The following WIPF1 variants were observed in gnomAD, a reference collection of about 807,000 sequenced individuals.
WIPF1 encodes the protein WAS/WASL-interacting protein family member 1.
A neutral mutation model predicts 35.4 loss-of-function variants in WIPF1; 13 were observed. The observed-to-expected ratio is 0.37, with a 90% CI of 0.24 to 0.58. The LOEUF (loss-of-function observed/expected upper bound fraction) is 0.58. WIPF1 is among the 20% of genes least tolerant of loss of function. The pLI is 0.74. For missense variants in WIPF1, 591 were observed against 667.0 expected (o/e 0.89, Z 1.25); for synonymous variants, 267 against 266.3 (o/e 1.00, Z -0.02).
At chr2:174,617,688 G>A (rs1029818983) in intron 1 of WIPF1, among the ~76,000 whole-genome samples, 7 of 152,202 alleles carry the variant, frequency 4.6e-5, no homozygotes, top group East Asian at 1.9e-4. Flanking sequence ...TGGTTGGAAC[G>A]CGCACCCTGT....
At chr2:174,648,905 A>C (rs921451295) in intron 1 of WIPF1, among the ~76,000 whole-genome samples, 1 of 152,254 alleles carries the variant, frequency 6.6e-6, no homozygotes, top group Non-Finnish European at 1.5e-5. Context: ...AAATTATTAA[A>C]AAAGAATTCG....
At chr2:174,673,315 G>C (rs1688059881) in intron 1 of WIPF1, 1 of 152,198 alleles carries the variant, frequency 6.6e-6, no homozygotes, top group African/African-American at 2.4e-5. Context: ...GGTCCCTTAG[G>C]ATTGGGTCCC....
chr2:174,608,109 G>A (rs989198438), intron 1 of WIPF1, among the ~76,000 whole-genome samples: 2 of 152,148 alleles, frequency 1.3e-5, no homozygotes, highest in African/African-American at 2.4e-5. Context: ...CAGATTTAAC[G>A]ACTCTTTCTC....
At chr2:174,591,748 T>C (rs1327143983) in intron 1 of WIPF1, among the ~76,000 whole-genome samples, 1 of 151,990 alleles carries the variant, frequency 6.6e-6, no homozygotes, top group Non-Finnish European at 1.5e-5. Flanking sequence ...GTTCATTCTG[T>C]GAATGAAATG....
At chr2:174,569,504 G>A (rs759454214) in intron 5 of WIPF1, among the ~76,000 whole-genome samples, 3 of 152,092 alleles carry the variant, frequency 2.0e-5, no homozygotes, top group African/African-American at 4.8e-5. Context: ...CCTGTACTAC[G>A]TAACTTCATC....
intron 1 of WIPF1, among the ~76,000 whole-genome samples, chr2:174,680,738 A>G (rs1035498373): frequency 1.3e-5 from 2 of 152,046 alleles, no homozygotes; most frequent in Admixed American, 1.3e-4. Flanking sequence ...AGGGCATACT[A>G]CCCTCTCTTC....
intron 2 of WIPF1, among the ~76,000 whole-genome samples, chr2:174,584,648 ACGCCTGTAATCC>A (rs1685344387): frequency 6.6e-6 from 1 of 152,152 alleles, no homozygotes; most frequent in Non-Finnish European, 1.5e-5. Flanking sequence ...ACAGTGGCTC[ACGCCTGTAATCC>A]CAGCACTTTG....
At chr2:174,575,486 A>G in intron 3 of WIPF1, 106 bp from the exon 4 acceptor site, 1 of 1,438,792 alleles carries the variant, frequency 7.0e-7, no homozygotes, top group Non-Finnish European at 9.1e-7. Flanking sequence ...CCTCCAGTGG[A>G]CAACTGGGAT....
At chr2:174,643,149 G>C (rs1331311440) in intron 1 of WIPF1, among the ~76,000 whole-genome samples, 2 of 149,072 alleles carry the variant, frequency 1.3e-5, no homozygotes, top group Non-Finnish European at 2.9e-5. Context: ...TACATGTCTA[G>C]TTTTTGTTAA....
intron 1 of WIPF1, among the ~76,000 whole-genome samples, chr2:174,605,309 G>A (rs1446412344): frequency 2.6e-5 from 4 of 152,022 alleles, no homozygotes; most frequent in Admixed American, 2.0e-4. Context: ...GGGGTGGTGC[G>A]CACCTGTAAT....
chr2:174,630,261 T>G (rs1343420307), intron 1 of WIPF1: 3 of 152,230 alleles, frequency 2.0e-5, no homozygotes, highest in Non-Finnish European at 2.9e-5. Flanking sequence ...GGAAGCCTAA[T>G]TCATACCAGA....
intron 7 of WIPF1, chr2:174,566,372 A>G (rs1684660799): frequency 6.6e-6 from 1 of 152,224 alleles, no homozygotes; most frequent in Non-Finnish European, 1.5e-5. Flanking sequence ...TTAGTTCTTT[A>G]TGGTAGCATT....
At chr2:174,595,070 G>GT (rs1263714280) in intron 1 of WIPF1, among the ~76,000 whole-genome samples, 2 of 105,170 alleles carry the variant, frequency 1.9e-5, no homozygotes, top group Non-Finnish European at 3.5e-5. Flanking sequence ...GGCAAACATA[G>GT]TGGGACCCTC....
chr2:174,588,628 T>C (rs565355155), intron 1 of WIPF1, among the ~76,000 whole-genome samples: 1 of 152,308 alleles, frequency 6.6e-6, no homozygotes, highest in South Asian at 2.1e-4. Flanking sequence ...GCGTGTTAAC[T>C]TCATGGTCCA....
At chr2:174,623,887 CCT>C (rs1036278749) in intron 1 of WIPF1, among the ~76,000 whole-genome samples, 6 of 152,068 alleles carry the variant, frequency 3.9e-5, no homozygotes, top group Non-Finnish European at 8.8e-5. Context: ...AGAAAAAACC[CCT>C]GTGTTAAAGG....
chr2:174,658,448 T>C (rs1439659112), intron 1 of WIPF1, among the ~76,000 whole-genome samples: 1 of 152,146 alleles, frequency 6.6e-6, no homozygotes, highest in African/African-American at 2.4e-5. Flanking sequence ...CAGGTGGGCC[T>C]GGAATTCAGC....
intron 1 of WIPF1, among the ~76,000 whole-genome samples, chr2:174,641,541 T>C (rs979092096): frequency 6.6e-6 from 1 of 152,224 alleles, no homozygotes; most frequent in East Asian, 1.9e-4. Flanking sequence ...TTTATAGATC[T>C]TTTTTCTTTT....
chr2:174,603,275 A>G (rs1349014076), intron 1 of WIPF1, among the ~76,000 whole-genome samples: 1 of 152,224 alleles, frequency 6.6e-6, no homozygotes, highest in Non-Finnish European at 1.5e-5. Flanking sequence ...TTATGCAAAT[A>G]AATTCTCTAT....
In WIPF1 at chr2:174,562,164, A is replaced by T. The variant is rs1319913458; in HGVS notation, c.*383T>A. On this transcript the variant is annotated 3_prime_UTR_variant, in exon 8 of 8. Coordinates refer to ENST00000679041, the MANE Select transcript of WIPF1 (RefSeq NM_001375834.1). Reference sequence around the variant, plus strand: ...AAACAGAGAGGAGGCCAAGCATGCGAAAAAGGAACGGGAGAAAACAGCTCT... The same window carrying T: ...AAACAGAGAGGAGGCCAAGCATGCGTAAAAGGAACGGGAGAAAACAGCTCT... 6.4e-7 allele frequency: 1 copy of T among 1,550,572 alleles called. No homozygotes were observed. The highest frequency in any genetic ancestry group is 8.7e-7 in the Non-Finnish European group (1 of 1,146,980).
Sources: gnomAD v4.1 joint callset for allele counts (sites outside exome capture counted in the v4.1 genomes callset) on GRCh38, gnomAD v4.1.1 for gene constraint, MANE v1.5 for transcripts, NCBI Gene and HGNC (gene_info 2026-07-23, HGNC 2026-07-21) for gene names.